CACNA1E: variants seen among roughly 807,000 people sequenced by gnomAD.
CACNA1E encodes voltage-dependent R-type calcium channel subunit alpha-1E.
CACNA1E carries 40 observed loss-of-function variants against 259.2 expected under a neutral mutation model. The observed-to-expected ratio is 0.15, with a 90% CI of 0.12 to 0.20. CACNA1E has a LOEUF of 0.20. CACNA1E is among the 10% of genes least tolerant of loss of function. The pLI is 1.00. For synonymous variants in CACNA1E, 1,104 were observed against 1,138.5 expected, an observed-to-expected ratio of 0.97 and a Z score of 0.61; for missense variants, 1,874 against 3,040.1, an observed-to-expected ratio of 0.62 and a Z score of 9.02.
At chr1:181,537,880 T>C (rs1055788409) in intron 3 of CACNA1E, among the ~76,000 whole-genome samples, 3 of 152,224 alleles carry the variant, frequency 2.0e-5, no homozygotes, top group Non-Finnish European at 4.4e-5. Context: ...GGCTACCTAC[T>C]ATGTAGGATT....
At chr1:181,545,790 T>A (rs2184945) in intron 3 of CACNA1E, among the ~76,000 whole-genome samples, 68,341 of 152,070 alleles carry the variant, frequency 0.45, 16,969 homozygotes, top group Middle Eastern at 0.56. Context: ...ACCCCTTTCA[T>A]GTCCCTCTGT....
intron 7 of CACNA1E, among the ~76,000 whole-genome samples, chr1:181,683,369 C>T (rs1650183762): frequency 6.6e-6 from 1 of 152,198 alleles, no homozygotes; most frequent in Admixed American, 6.5e-5. Context: ...TTTCAGTCTC[C>T]TGCAGCATTG....
At chr1:181,609,039 A>T (rs1345282948) in intron 6 of CACNA1E, among the ~76,000 whole-genome samples, 1 of 152,176 alleles carries the variant, frequency 6.6e-6, no homozygotes, top group East Asian at 1.9e-4. Context: ...TCCACAAAGG[A>T]AAGTTCAGCT....
chr1:181,474,507 G>C (rs977771774), intron 2 of CACNA1E, among the ~76,000 whole-genome samples: 1 of 152,192 alleles, frequency 6.6e-6, no homozygotes, highest in Non-Finnish European at 1.5e-5. Context: ...AAGATAACCT[G>C]CATGTTTGTA....
intron 7 of CACNA1E, among the ~76,000 whole-genome samples, chr1:181,686,808 G>T (rs957184948): frequency 6.6e-6 from 1 of 152,188 alleles, no homozygotes; most frequent in African/African-American, 2.4e-5. Context: ...GCACCTTCAT[G>T]TGAAGAGTTT....
chr1:181,425,722 T>C (rs967665056), intron 2 of CACNA1E, among the ~76,000 whole-genome samples: 1 of 152,004 alleles, frequency 6.6e-6, no homozygotes, highest in Non-Finnish European at 1.5e-5. Flanking sequence ...AGCCACACTG[T>C]CCTCCTTCTC....
intron 28 of CACNA1E, 103 bp downstream of exon 28, chr1:181,755,500 C>G: frequency 2.3e-6 from 2 of 872,630 alleles, no homozygotes; most frequent in South Asian, 3.5e-5. Flanking sequence ...TCTTACCCAT[C>G]TCTGCTCTTC....
At chr1:181,444,850 C>T (rs1407174533) in intron 2 of CACNA1E, among the ~76,000 whole-genome samples, 1 of 152,096 alleles carries the variant, frequency 6.6e-6, no homozygotes, top group Admixed American at 6.5e-5. Context: ...AGACAACTTA[C>T]TCTGCTTGGA....
intron 18 of CACNA1E, among the ~76,000 whole-genome samples, chr1:181,726,368 G>C (rs554465785): frequency 1.4e-4 from 22 of 152,342 alleles, no homozygotes; most frequent in Admixed American, 9.8e-4. Context: ...CATCATTTCA[G>C]ATAGTGACAG....
At chr1:181,354,676 C>A (rs1457516308) in intron 1 of CACNA1E, among the ~76,000 whole-genome samples, 2 of 152,108 alleles carry the variant, frequency 1.3e-5, no homozygotes, top group Non-Finnish European at 2.9e-5. Context: ...TTCCCACCCG[C>A]AGAGTAGTTT....
In CACNA1E at chr1:181,772,194, T is replaced by C. The variant is rs1467296203; in HGVS notation, c.5102T>C (p.Val1701Ala). 13 of 1,613,848 alleles carry C rather than the reference T, an allele frequency of 8.1e-6. No individual in the cohort carries two copies. Among genetic ancestry groups the C allele is most frequent in the Non-Finnish European group, 1.0e-5 (12 of 1,179,856 alleles). The change falls in exon 37 of 48, where the codon GTG (valine) becomes GCG (alanine). Residue 1701 changes from valine to alanine, a missense_variant. Val to Ala is a moderately conservative substitution (Grantham distance 64). This residue lies in a region of CACNA1E where 147 missense variants were observed against 337.1 expected (regional missense o/e 0.44). Transcript: ENST00000367573. ...NERCGTDLAY[V>A]YFVSFIFFCS... ...CGCTGCGGCACCGATCTGGCCTACG[T>C]GTACTTTGTCTCCTTCATCTTCTTC...
intron 21 of CACNA1E, among the ~76,000 whole-genome samples, chr1:181,735,019 A>C (rs2102568169): frequency 6.6e-6 from 1 of 152,272 alleles, no homozygotes; most frequent in Admixed American, 6.5e-5. Context: ...GTTTTCCTCT[A>C]CTTTTTCTGT....
intron 3 of CACNA1E, among the ~76,000 whole-genome samples, chr1:181,514,833 C>G (rs1189320602): frequency 6.6e-6 from 1 of 152,222 alleles, no homozygotes; most frequent in African/African-American, 2.4e-5. Context: ...CCTGTGACCT[C>G]TGACCTCCTA....
At chr1:181,699,421 G>A (rs550189935) in intron 7 of CACNA1E, among the ~76,000 whole-genome samples, 13 of 152,294 alleles carry the variant, frequency 8.5e-5, no homozygotes, top group African/African-American at 2.6e-4. Flanking sequence ...TTAATTTTGT[G>A]ATCAGGAAAG....
intron 6 of CACNA1E, among the ~76,000 whole-genome samples, chr1:181,643,301 G>A (rs1004726176): frequency 1.3e-5 from 2 of 152,192 alleles, no homozygotes; most frequent in African/African-American, 4.8e-5. Flanking sequence ...AAGGGAGAGG[G>A]GAGGGACAGG....
At chr1:181,666,613 A>G (rs1413880250) in intron 7 of CACNA1E, among the ~76,000 whole-genome samples, 1 of 152,116 alleles carries the variant, frequency 6.6e-6, no homozygotes, top group Admixed American at 6.5e-5. Context: ...TTAAAGAACA[A>G]TGAGGAACAG....
At chr1:181,335,758 C>G (rs1226558063) in intron 1 of CACNA1E, among the ~76,000 whole-genome samples, 1 of 152,202 alleles carries the variant, frequency 6.6e-6, no homozygotes, top group Non-Finnish European at 1.5e-5. Context: ...GAATTCACAC[C>G]TGACATATGG....
At chr1:181,677,009 G>T (rs1189654006) in intron 7 of CACNA1E, among the ~76,000 whole-genome samples, 2 of 152,044 alleles carry the variant, frequency 1.3e-5, no homozygotes, top group Non-Finnish European at 2.9e-5. Flanking sequence ...AGAAGAACTG[G>T]CTGTGCTCCT....
chr1:181,373,687 G>A (rs1191210385), intron 1 of CACNA1E, among the ~76,000 whole-genome samples: 2 of 151,882 alleles, frequency 1.3e-5, no homozygotes, highest in African/African-American at 4.8e-5. Flanking sequence ...ACAGGCGCCT[G>A]CCACTACGCC....
Sources: allele counts gnomAD v4.1 joint callset (sites outside exome capture counted in the v4.1 genomes callset), GRCh38; gene constraint gnomAD v4.1.1; regional missense constraint gnomAD v4.1.1; transcripts MANE v1.5; gene names NCBI Gene and HGNC (gene_info 2026-07-23, HGNC 2026-07-21).